The following PHACTR4 variants were observed in gnomAD, a reference collection of about 807,000 sequenced individuals.
The protein encoded by PHACTR4 is protein phosphatase 1, regulatory subunit 124.
A neutral mutation model predicts 72.7 loss-of-function variants in PHACTR4; 51 were observed. That is an observed-to-expected ratio of 0.70 (90% CI 0.56 to 0.89). The LOEUF is 0.89. Ranked by LOEUF, PHACTR4 falls within the 40% of genes least tolerant of loss-of-function variation. The pLI is 0.00. For missense variants in PHACTR4, 731 were observed against 861.8 expected (o/e 0.85, Z 1.90); for synonymous variants, 255 against 302.5 (o/e 0.84, Z 1.63).
chr1:28,454,834 A>T (rs971347089), intron 2 of PHACTR4, among the ~76,000 whole-genome samples: 1 of 152,204 alleles, frequency 6.6e-6, no homozygotes, highest in Non-Finnish European at 1.5e-5. Flanking sequence ...TAGGAAAAGC[A>T]TTAAATATAA....
intron 2 of PHACTR4, among the ~76,000 whole-genome samples, chr1:28,448,521 G>A (rs2124434781): frequency 6.6e-6 from 1 of 151,036 alleles, no homozygotes; most frequent in Non-Finnish European, 1.5e-5. Flanking sequence ...GGGAGGCCGA[G>A]GAGGGCGGAT....
Position 28,473,747 on chromosome 1 carries a change from A to G in PHACTR4, c.1017A>G (p.Ser339=). Residue 339 remains serine (S), a synonymous_variant, in exon 7 of 14, where the codon TCA becomes TCG. Transcript: ENST00000373839. ...GCTCGGAACTACTACCAATGATCTC[A>G]CCTCGCTCTCCGTCCCCCCCACTGC... ...SMGSELLPMI[S]PRSPSPPLPT... is the part of the protein sequence containing the mutation. 1 of 1,613,730 alleles carries G rather than the reference A, an allele frequency of 6.2e-7. No individual in the cohort carries two copies. Among genetic ancestry groups the G allele is most frequent in the Non-Finnish European group, 8.5e-7 (1 of 1,179,924 alleles).
intron 1 of PHACTR4, among the ~76,000 whole-genome samples, chr1:28,390,396 A>G (rs1569790457): frequency 6.6e-6 from 1 of 152,312 alleles, no homozygotes; most frequent in East Asian, 1.9e-4. Context: ...TATTAACACC[A>G]CCAAGGCTGT....
chr1:28,457,775 T>A (rs1274266995), intron 2 of PHACTR4: 2 of 924,192 alleles, frequency 2.2e-6, no homozygotes, highest in East Asian at 1.2e-4. Context: ...AAAGTAGAGG[T>A]TCCACTTTAA....
intron 1 of PHACTR4, among the ~76,000 whole-genome samples, chr1:28,398,795 G>A (rs1653727013): frequency 6.6e-6 from 1 of 152,010 alleles, no homozygotes; most frequent in South Asian, 2.1e-4. Flanking sequence ...CTCCAGCCTG[G>A]GTGACAGAGC....
intron 2 of PHACTR4, among the ~76,000 whole-genome samples, chr1:28,421,156 A>T (rs887628538): frequency 6.6e-6 from 1 of 152,174 alleles, no homozygotes; most frequent in Non-Finnish European, 1.5e-5. Flanking sequence ...ATTCAAAATG[A>T]CCTTTCATGA....
In PHACTR4 at chr1:28,425,760, G is replaced by A. The variant is rs568116591; in HGVS notation, c.16+18297G>A. Among the ~76,000 whole-genome samples the A allele has an allele frequency of 2.6e-5, 4 of 152,300 alleles. No individual in the cohort carries two copies. The South Asian group carries it at 6.2e-4, about 24-fold the overall frequency. On this transcript the variant is annotated intron_variant, in intron 2 of 13. Transcript: ENST00000373839. ...TTAAAGTGAATATTGAGGGCCAGCC[G>A]AATTAGGAAGAGTTGTGAAAGAGAG...
intron 1 of PHACTR4, among the ~76,000 whole-genome samples, chr1:28,385,542 C>CAAAAAAAA (rs765203303): frequency 1.3e-5 from 1 of 79,188 alleles, no homozygotes; most frequent in Non-Finnish European, 2.4e-5. Context: ...GACTCTGTCT[C>CAAAAAAAA]AAAAAAAAAA....
At chr1:28,406,430 G>C (rs915868720) in intron 1 of PHACTR4, among the ~76,000 whole-genome samples, 1 of 149,768 alleles carries the variant, frequency 6.7e-6, no homozygotes, top group Non-Finnish European at 1.5e-5. Context: ...TCTTGAGGGG[G>C]AAAAAAAAAG....
At chr1:28,455,339 G>T (rs894996206) in intron 2 of PHACTR4, among the ~76,000 whole-genome samples, 1 of 150,972 alleles carries the variant, frequency 6.6e-6, no homozygotes, top group African/African-American at 2.4e-5. Flanking sequence ...TGGGATTATA[G>T]GCGTGTACCA....
chr1:28,385,671 C>T lies in PHACTR4; in HGVS notation c.-39+15846C>T, dbSNP rs539006926. ...TCATTCTGTTGCCCAGGCTGGAGTG[C>T]GGTGGTGCGATTCCAACTCACTGCA... On this transcript the variant is annotated intron_variant, in intron 1 of 13. Coordinates refer to ENST00000373839, the MANE Select transcript of PHACTR4 (RefSeq NM_001048183.3). 1.2e-3 allele frequency among the ~76,000 whole-genome samples: 161 copies of T among 131,800 alleles called. 1 individual carries two copies. The highest frequency in any genetic ancestry group is 4.3e-3 in the African/African-American group (152 of 35,160). 86.5% of individuals were successfully genotyped at this position (131,800 alleles called of 152,430 possible).
intron 2 of PHACTR4, among the ~76,000 whole-genome samples, chr1:28,417,758 A>G (rs1655196350): frequency 6.6e-6 from 1 of 152,218 alleles, no homozygotes; most frequent in African/African-American, 2.4e-5. Flanking sequence ...TGCTATATCA[A>G]TCAGTATAGC....
At chr1:28,459,303 T>C in intron 3 of PHACTR4, 45 bp downstream of exon 3, 1 of 1,544,208 alleles carries the variant, frequency 6.5e-7, no homozygotes, top group Middle Eastern at 2.1e-4. Context: ...TAGAATTCTC[T>C]ATGTTAGATG....
intron 2 of PHACTR4, among the ~76,000 whole-genome samples, chr1:28,428,990 A>G (rs961827982): frequency 1.3e-5 from 2 of 152,170 alleles, no homozygotes; most frequent in African/African-American, 4.8e-5. Flanking sequence ...GCTTTTTTCC[A>G]TTGGTAAGCC....
At chr1:28,444,967 A>G (rs1007628402) in intron 2 of PHACTR4, among the ~76,000 whole-genome samples, 1 of 146,068 alleles carries the variant, frequency 6.8e-6, no homozygotes, top group Non-Finnish European at 1.5e-5. Context: ...TATTTATTTT[A>G]TTTTTTTGAG....
chr1:28,465,975 T>A, intron 5 of PHACTR4, 126 bp downstream of exon 5: 2 of 925,658 alleles, frequency 2.2e-6, no homozygotes, highest in Non-Finnish European at 3.1e-6. Context: ...AACAATACCT[T>A]AACTAGCAAC....
At chr1:28,484,826 G>T (rs1557847462) in intron 9 of PHACTR4, among the ~76,000 whole-genome samples, 1 of 151,662 alleles carries the variant, frequency 6.6e-6, no homozygotes, top group African/African-American at 2.4e-5. Flanking sequence ...AATTTAGCCG[G>T]GTGGTGGCAG....
chr1:28,450,549 A>T (rs963534331), intron 2 of PHACTR4, among the ~76,000 whole-genome samples: 2 of 152,088 alleles, frequency 1.3e-5, no homozygotes, highest in African/African-American at 2.4e-5. Context: ...GGGTGTACTT[A>T]TATAATTTTT....
At chr1:28,458,945 G>A (rs935573100) in intron 2 of PHACTR4, 140 bp from the exon 3 acceptor site, 2 of 642,950 alleles carry the variant, frequency 3.1e-6, no homozygotes, top group Non-Finnish European at 5.1e-6. Flanking sequence ...GTGATGTCCA[G>A]GAGTCTCCCT....
Sources: gnomAD v4.1 joint callset for allele counts (sites outside exome capture counted in the v4.1 genomes callset) on GRCh38, gnomAD v4.1.1 for gene constraint, MANE v1.5 for transcripts, NCBI Gene and HGNC (gene_info 2026-07-23, HGNC 2026-07-21) for gene names.